Variants in PTK2 observed in about 807,000 individuals in gnomAD.
The protein encoded by PTK2 is focal adhesion kinase 1.
PTK2 carries 45 observed loss-of-function variants against 150.1 expected under a neutral mutation model. That is an observed-to-expected ratio of 0.30 (90% CI 0.24 to 0.38). The LOEUF (loss-of-function observed/expected upper bound fraction) is 0.38, where lower values mean the gene tolerates loss of function less well. Ranked by LOEUF, PTK2 falls within the 10% of genes least tolerant of loss-of-function variation. The pLI is 1.00. For synonymous variants in PTK2, 432 were observed against 449.2 expected (o/e 0.96, Z 0.48); for missense variants, 919 against 1,307.3 (o/e 0.70, Z 4.58).
At chr8:140,813,465 C>G (rs1478854029) in intron 10 of PTK2, among the ~76,000 whole-genome samples, 1 of 150,956 alleles carries the variant, frequency 6.6e-6, no homozygotes, top group Non-Finnish European at 1.5e-5. Flanking sequence ...CACAGCACGG[C>G]CAAGTTAAAA....
intron 26 of PTK2, among the ~76,000 whole-genome samples, chr8:140,690,456 C>T (rs75459909): frequency 0.01 from 1,546 of 152,264 alleles, 27 homozygotes; most frequent in African/African-American, 0.036. Flanking sequence ...ACAAAAGACC[C>T]ACCAGGCCCA....
In PTK2 at chr8:140,757,334, T is replaced by C. The variant is rs182927878; in HGVS notation, c.1332+3831A>G. 4.5e-3 allele frequency among the ~76,000 whole-genome samples: 682 copies of C among 152,108 alleles called. 4 individuals carry two copies. The highest frequency in any genetic ancestry group is 0.016 in the African/African-American group (647 of 41,466). On this transcript the variant is annotated intron_variant, in intron 16 of 31. Coordinates refer to ENST00000522684, the Ensembl canonical transcript of PTK2. ...ATTGCTCCTTCTACTCTACTTTGCC[T>C]CAAAGGGCAGAGTTAAGAGACTGTG...
rs758288682 is a variant in PTK2 at position 140,668,258 on chromosome 8, C to T, written c.2865+11G>A. 1.2e-6 allele frequency: 2 copies of T among 1,613,900 alleles called. No homozygotes were observed. The highest frequency in any genetic ancestry group is 1.7e-4 in the Middle Eastern group (1 of 6,060). On this transcript the variant is annotated intron_variant, in intron 30 of 31. Coordinates refer to ENST00000522684, the Ensembl canonical transcript of PTK2. ...ACATTTTTGCCAGTACACAAAATGA[C>T]TCTATTTTACCTTCACCATAGGGAC...
At chr8:140,874,081 C>T (rs1205672223) in intron 4 of PTK2, among the ~76,000 whole-genome samples, 2 of 152,076 alleles carry the variant, frequency 1.3e-5, no homozygotes, top group African/African-American at 4.8e-5. Context: ...GAGGTAGTAT[C>T]CAATGTTGTT....
chr8:140,736,392 G>T (rs747305972), intron 21 of PTK2, among the ~76,000 whole-genome samples: 2 of 152,054 alleles, frequency 1.3e-5, no homozygotes, highest in Non-Finnish European at 2.9e-5. Context: ...GAAGGAGGTG[G>T]GTAATGGTTG....
chr8:140,825,247 C>G (rs937651553), intron 8 of PTK2, among the ~76,000 whole-genome samples: 1 of 152,136 alleles, frequency 6.6e-6, no homozygotes, highest in African/African-American at 2.4e-5. Context: ...AGGTTTCACT[C>G]CCCACCCAGC....
intron 27 of PTK2, among the ~76,000 whole-genome samples, chr8:140,682,295 T>C (rs1188050369): frequency 6.6e-6 from 1 of 152,262 alleles, no homozygotes; most frequent in East Asian, 1.9e-4. Flanking sequence ...GGCACAAGAA[T>C]CGCTTGAAAC....
intron 8 of PTK2, among the ~76,000 whole-genome samples, chr8:140,827,188 T>C (rs899489510): frequency 2.6e-5 from 4 of 152,106 alleles, no homozygotes; most frequent in Non-Finnish European, 5.9e-5. Flanking sequence ...CCTCAACTCC[T>C]ACCTCAGCAT....
chr8:140,927,435 G>C (rs993241943), intron 1 of PTK2: 5 of 152,130 alleles, frequency 3.3e-5, no homozygotes, highest in African/African-American at 7.2e-5. Flanking sequence ...GAAAACCACT[G>C]ATCAGGCTGT....
chr8:140,728,072 G>A (rs532498561), intron 22 of PTK2, among the ~76,000 whole-genome samples: 31 of 152,060 alleles, frequency 2.0e-4, no homozygotes, highest in African/African-American at 7.2e-4. Context: ...AGTGGTGCGC[G>A]CCTGTAATCT....
At chr8:140,796,101 A>C (rs1367106227) in intron 12 of PTK2, among the ~76,000 whole-genome samples, 1 of 152,238 alleles carries the variant, frequency 6.6e-6, no homozygotes, top group African/African-American at 2.4e-5. Flanking sequence ...TATCTAGCAG[A>C]GTATCTGGCA....
intron 1 of PTK2, among the ~76,000 whole-genome samples, chr8:140,995,998 C>T (rs192202446): frequency 6.6e-6 from 1 of 152,170 alleles, no homozygotes; most frequent in East Asian, 1.9e-4. Context: ...CACCCGAGAA[C>T]CACTTCAACC....
chr8:140,792,159 T>C (rs954013479), intron 13 of PTK2, among the ~76,000 whole-genome samples: 1 of 152,200 alleles, frequency 6.6e-6, no homozygotes, highest in Non-Finnish European at 1.5e-5. Flanking sequence ...TTTCGCAGAG[T>C]TGCCACCATC....
intron 17 of PTK2, among the ~76,000 whole-genome samples, chr8:140,751,232 G>A (rs761804455): frequency 2.0e-5 from 3 of 152,166 alleles, no homozygotes; most frequent in Non-Finnish European, 2.9e-5. Flanking sequence ...GCAATGGCAC[G>A]ATCTTAGCTC....
intron 13 of PTK2, among the ~76,000 whole-genome samples, chr8:140,792,283 G>A (rs754784359): frequency 6.6e-6 from 1 of 152,204 alleles, no homozygotes; most frequent in Non-Finnish European, 1.5e-5. Flanking sequence ...CAGGCACAGA[G>A]TGCATGTAAA....
intron 22 of PTK2, among the ~76,000 whole-genome samples, chr8:140,721,197 G>T (rs1451539655): frequency 2.0e-5 from 3 of 152,130 alleles, no homozygotes; most frequent in Non-Finnish European, 4.4e-5. Context: ...TATTTCAAAT[G>T]AGTTAATATC....
At chr8:140,736,123 T>C (rs930022374) in intron 21 of PTK2, among the ~76,000 whole-genome samples, 1 of 152,248 alleles carries the variant, frequency 6.6e-6, no homozygotes, top group Non-Finnish European at 1.5e-5. Flanking sequence ...TGAATAATCC[T>C]TAAAAATTCA....
At chr8:140,933,839 A>G (rs1275320221) in intron 1 of PTK2, among the ~76,000 whole-genome samples, 3 of 152,180 alleles carry the variant, frequency 2.0e-5, no homozygotes, top group African/African-American at 7.2e-5. Context: ...GTATAGTATG[A>G]GAATTATACG....
chr8:140,702,678 G>A, exon 25 of PTK2: 1 of 1,614,014 alleles, frequency 6.2e-7, no homozygotes, highest in Non-Finnish European at 8.5e-7. Context: ...CCATGGCTGT[G>A]ATTCCATGTG....
Sources: gnomAD v4.1 joint callset for allele counts (sites outside exome capture counted in the v4.1 genomes callset) on GRCh38, gnomAD v4.1.1 for gene constraint, MANE v1.5 for transcripts, NCBI Gene and HGNC (gene_info 2026-07-23, HGNC 2026-07-21) for gene names.